The following PRKG1 variants were observed in gnomAD, a reference collection of about 807,000 sequenced individuals.
PRKG1 encodes the protein cGMP-dependent protein kinase 1.
In PRKG1, 35 loss-of-function variants were observed where a neutral mutation model predicts 88.1. The observed-to-expected ratio is 0.40, with a 90% CI of 0.30 to 0.53. The LOEUF (loss-of-function observed/expected upper bound fraction) is 0.53, where lower values mean the gene tolerates loss of function less well. Among genes scored for constraint, PRKG1 ranks in the 20% least tolerant of loss-of-function variants. The probability of loss-of-function intolerance (pLI) is 0.59; values close to 1 mark genes in which losing one functional copy is unlikely to be tolerated. For synonymous variants in PRKG1, 303 were observed against 292.5 expected, an observed-to-expected ratio of 1.04 and a Z score of -0.37; for missense variants, 540 against 839.8, an observed-to-expected ratio of 0.64 and a Z score of 4.41.
intron 1 of PRKG1, among the ~76,000 whole-genome samples, chr10:51,047,704 C>T (rs1340542085): frequency 1.3e-5 from 2 of 151,740 alleles, no homozygotes; most frequent in African/African-American, 2.4e-5. Flanking sequence ...CCACCACTCC[C>T]TATCATCCCT....
At chr10:52,188,232 ATATATATACATATATATGTG>A (rs1564508936) in intron 9 of PRKG1, among the ~76,000 whole-genome samples, 7 of 4,710 alleles carry the variant, frequency 1.5e-3, no homozygotes, top group Middle Eastern at 0.071. Flanking sequence ...ATACATATGT[ATATATATACATATATATGTG>A]TATATATATA....
intron 3 of PRKG1, among the ~76,000 whole-genome samples, chr10:51,703,086 A>T (rs1841509179): frequency 6.6e-6 from 1 of 152,204 alleles, no homozygotes; most frequent in South Asian, 2.1e-4. Flanking sequence ...TGAAAAGTAT[A>T]CTTTATTTTT....
chr10:51,076,706 G>A (rs1238462846), intron 1 of PRKG1, among the ~76,000 whole-genome samples: 1 of 152,320 alleles, frequency 6.6e-6, no homozygotes, highest in South Asian at 2.1e-4. Flanking sequence ...AAGCCTCTTT[G>A]TACATGACTT....
chr10:52,046,030 C>G (rs562775565), intron 5 of PRKG1, among the ~76,000 whole-genome samples: 1 of 152,186 alleles, frequency 6.6e-6, no homozygotes, highest in African/African-American at 2.4e-5. Context: ...TTCTGTATTT[C>G]TTCTCATCCA....
At chr10:51,505,904 A>T (rs900373500) in intron 3 of PRKG1, among the ~76,000 whole-genome samples, 1 of 151,476 alleles carries the variant, frequency 6.6e-6, no homozygotes, top group Non-Finnish European at 1.5e-5. Flanking sequence ...AATTTTGTTG[A>T]TCTTTTCAAA....
chr10:51,965,387 T>C (rs1372896968), intron 5 of PRKG1, among the ~76,000 whole-genome samples: 3 of 152,156 alleles, frequency 2.0e-5, no homozygotes, highest in African/African-American at 4.8e-5. Context: ...TCCAGCTCCA[T>C]CCATGGCCCT....
intron 2 of PRKG1, among the ~76,000 whole-genome samples, chr10:51,464,830 G>T: frequency 6.8e-6 from 1 of 146,168 alleles, no homozygotes; most frequent in East Asian, 2.0e-4. Flanking sequence ...GGCGGAGCTT[G>T]CAGTGAGCCG....
intron 3 of PRKG1, among the ~76,000 whole-genome samples, chr10:51,595,223 C>T (rs892997574): frequency 1.4e-4 from 21 of 152,124 alleles, no homozygotes; most frequent in Non-Finnish European, 4.4e-5. Flanking sequence ...TAGAGCATGC[C>T]TGTAGTCCCA....
chr10:51,242,264 T>C (rs933802746), intron 2 of PRKG1, among the ~76,000 whole-genome samples: 5 of 151,950 alleles, frequency 3.3e-5, no homozygotes, highest in African/African-American at 1.2e-4. Context: ...ATGAGAAAAG[T>C]TTATAAGTAT....
At chr10:52,092,399 T>G (rs759818052) in intron 7 of PRKG1, among the ~76,000 whole-genome samples, 21 of 152,180 alleles carry the variant, frequency 1.4e-4, no homozygotes, top group Non-Finnish European at 2.5e-4. Flanking sequence ...AATAGACTTT[T>G]GTGTGTGTAA....
At chr10:50,999,563 A>G (rs7076631) in intron 1 of PRKG1, among the ~76,000 whole-genome samples, 136,024 of 152,248 alleles carry the variant, frequency 0.89, 60,912 homozygotes, top group African/African-American at 0.95. Flanking sequence ...GAGTACTCTG[A>G]CCTCAAATGC....
At chr10:51,720,057 T>C (rs1564620370) in intron 3 of PRKG1, among the ~76,000 whole-genome samples, 1 of 152,108 alleles carries the variant, frequency 6.6e-6, no homozygotes. Context: ...CTGAATGGAA[T>C]TGGTATCACA....
intron 1 of PRKG1, among the ~76,000 whole-genome samples, chr10:50,993,837 TTG>T (rs1311720768): frequency 9.2e-5 from 14 of 152,200 alleles, no homozygotes; most frequent in African/African-American, 1.9e-4. Context: ...GTTGTTGTTG[TTG>T]TTTGTATGTA....
At chr10:51,414,646 C>T (rs114588148) in intron 2 of PRKG1, among the ~76,000 whole-genome samples, 58 of 152,194 alleles carry the variant, frequency 3.8e-4, no homozygotes, top group African/African-American at 1.4e-3. Context: ...GCTTTACACC[C>T]CTGTAATGTC....
chr10:51,862,937 T>C (rs1840922338), intron 4 of PRKG1, among the ~76,000 whole-genome samples: 1 of 152,166 alleles, frequency 6.6e-6, no homozygotes, highest in Admixed American at 6.5e-5. Flanking sequence ...TCACTGACAT[T>C]TTCATTATAT....
chr10:52,290,937 T>G (rs543408325), intron 17 of PRKG1, among the ~76,000 whole-genome samples: 2 of 151,264 alleles, frequency 1.3e-5, no homozygotes, highest in East Asian at 3.9e-4. Flanking sequence ...TTAATTTTTT[T>G]TTTGAGATGG....
intron 2 of PRKG1, among the ~76,000 whole-genome samples, chr10:51,186,483 T>C (rs980128643): frequency 2.4e-4 from 36 of 152,018 alleles, no homozygotes; most frequent in Non-Finnish European, 2.1e-4. Context: ...TTTCATCATC[T>C]CCTTTTGTCT....
intron 2 of PRKG1, among the ~76,000 whole-genome samples, chr10:51,367,066 A>G (rs996512768): frequency 6.6e-6 from 1 of 151,872 alleles, no homozygotes. Context: ...CCAGTGAGGG[A>G]TTACCCATTT....
chr10:51,748,472 T>C (rs1295294308), intron 3 of PRKG1, among the ~76,000 whole-genome samples: 1 of 152,226 alleles, frequency 6.6e-6, no homozygotes, highest in Non-Finnish European at 1.5e-5. Context: ...AAGGCAATAA[T>C]TGTATTTTCT....
Sources: allele counts gnomAD v4.1 joint callset (sites outside exome capture counted in the v4.1 genomes callset), GRCh38; gene constraint gnomAD v4.1.1; transcripts MANE v1.5; gene names NCBI Gene and HGNC (gene_info 2026-07-23, HGNC 2026-07-21).